Variants in ATPAF2 observed in about 807,000 individuals in gnomAD.
ATPAF2 encodes the protein ATP12 homolog.
A neutral mutation model predicts 36.6 loss-of-function variants in ATPAF2; 30 were observed. The observed-to-expected ratio is 0.82, with a 90% CI of 0.61 to 1.11. ATPAF2 has a LOEUF of 1.11. ATPAF2 is among the 50% of genes most tolerant of loss of function. The pLI, the probability that ATPAF2 is intolerant of heterozygous loss-of-function variation, is 0.00. For missense variants in ATPAF2, 321 were observed against 372.3 expected (o/e 0.86, Z 1.13); for synonymous variants, 140 against 152.6 (o/e 0.92, Z 0.61).
chr17:18,029,065 C>A lies in ATPAF2; in HGVS notation c.134-406G>T, dbSNP rs542408814. 1.2e-4 allele frequency among the ~76,000 whole-genome samples: 18 copies of A among 152,300 alleles called. No individual in the cohort carries two copies. The South Asian group carries it at 3.7e-3, about 32-fold the overall frequency. ...CATTTCAGGCAAGACTCTGATGCCT[C>A]TAAGGAGTGAGTGGAAAGCCAGTGT... On this transcript the variant is annotated intron_variant, in intron 1 of 7. Transcript: ENST00000474627.
chr17:18,029,879 TAAAAAAA>T lies in ATPAF2; in HGVS notation c.134-1227_134-1221del, dbSNP rs771131818. Reference sequence around the variant, plus strand: ...CGGCCAAATAGTTTGCCTTTAACGCTAAAAAAAAAAAAAAAAAAAAAAAAAGGCTGGT... The same window carrying T: ...CGGCCAAATAGTTTGCCTTTAACGCTAAAAAAAAAAAAAAAAAAGGCTGGT... On this transcript the variant is annotated intron_variant, in intron 1 of 7. Coordinates refer to ENST00000474627, the MANE Select transcript of ATPAF2 (RefSeq NM_145691.4). Among the ~76,000 whole-genome samples the T allele has an allele frequency of 9.4e-5, 5 of 53,208 alleles. No homozygotes were observed. In the South Asian group the frequency reaches 3.8e-3, roughly 40 times the overall value. 34.9% of individuals were successfully genotyped at this position (53,208 alleles called of 152,430 possible). A position where few individuals can be genotyped will look rare whatever the true frequency, so the allele number is the denominator to read the frequency against.
At chr17:18,016,893 G>C (rs553961776), downstream of ATPAF2, 111 of 398,900 alleles carry the variant, frequency 2.8e-4, no homozygotes, top group Middle Eastern at 6.4e-3. Context: ...AAAAAAATCA[G>C]CTGGGTGCGG....
chr17:18,032,611 G>C (rs2044652006), intron 1 of ATPAF2, among the ~76,000 whole-genome samples: 1 of 152,186 alleles, frequency 6.6e-6, no homozygotes, highest in African/African-American at 2.4e-5. Flanking sequence ...ACAAGCTTTG[G>C]TGAGTACTGA....
chr17:18,038,957 C>A lies in ATPAF2; in HGVS notation c.57G>T (p.Pro19=), dbSNP rs1046141706. The change falls in exon 1 of 8, where the codon CCG becomes CCT. Residue 19 remains proline (P), a synonymous_variant. Transcript: ENST00000474627. ...TCATAGAAGCGCTGGGGCCACCCGC[C>A]GGCCGATTCAGGAGACGGCGTCCCC... ...RDGGRRLLNR[P]AGGPSASMSP... 8 of 1,612,850 alleles carry A rather than the reference C, an allele frequency of 5.0e-6. No individual in the cohort carries two copies. Among genetic ancestry groups the A allele is most frequent in the Non-Finnish European group, 5.9e-6 (7 of 1,179,660 alleles).
chr17:18,035,683 A>G (rs2044693555), intron 1 of ATPAF2, among the ~76,000 whole-genome samples: 1 of 152,228 alleles, frequency 6.6e-6, no homozygotes, highest in African/African-American at 2.4e-5. Context: ...CTGCCACTGT[A>G]GTGAAAGTAG....
rs1162130285 is a variant in ATPAF2 at position 18,030,320 on chromosome 17, CAAAAAAAA to C, written c.134-1669_134-1662del. 3.6e-3 allele frequency among the ~76,000 whole-genome samples: 232 copies of C among 64,094 alleles called. 2 individuals are homozygous for C. Among genetic ancestry groups the C allele is most frequent in the African/African-American group, 0.014 (215 of 15,558 alleles). The allele number at this position is 64,094 out of a possible 152,430, so 42.0% of individuals were successfully genotyped here. A position where few individuals can be genotyped will look rare whatever the true frequency, so the allele number is the denominator to read the frequency against. On this transcript the variant is annotated intron_variant, in intron 1 of 7. Coordinates refer to ENST00000474627, the MANE Select transcript of ATPAF2 (RefSeq NM_145691.4). Reference sequence around the variant, plus strand: ...TGGGTGGCAGAGCAAGACTCCATCTCAAAAAAAAAAAAAAAAAAAAAAAGAAAAATTAA... The same window carrying C: ...TGGGTGGCAGAGCAAGACTCCATCTCAAAAAAAAAAAAAAAGAAAAATTAA...
intron 1 of ATPAF2, among the ~76,000 whole-genome samples, chr17:18,036,500 C>T (rs543790292): frequency 1.3e-4 from 20 of 150,876 alleles, no homozygotes; most frequent in Non-Finnish European, 2.4e-4. Flanking sequence ...GGCGTGAACC[C>T]GGGAGGCGGA....
At chr17:18,036,608 T>C (rs184954378) in intron 1 of ATPAF2, among the ~76,000 whole-genome samples, 1 of 152,054 alleles carries the variant, frequency 6.6e-6, no homozygotes, top group African/African-American at 2.4e-5. Flanking sequence ...GGGCCTGATT[T>C]ATGCACCTCC....
downstream of ATPAF2, chr17:18,016,969 C>G (rs542832717): frequency 2.5e-4 from 55 of 221,096 alleles, no homozygotes; most frequent in Non-Finnish European, 1.0e-4. Context: ...GTCAGGAGTT[C>G]GAGACCAGCC....
downstream of ATPAF2, chr17:18,016,872 AT>A (rs2044383474): frequency 2.7e-6 from 1 of 376,424 alleles, no homozygotes; most frequent in Non-Finnish European, 4.5e-6. Context: ...TCCCCTACTC[AT>A]AAAAAAAAAA....
At chr17:18,036,474 G>T (rs1038322553) in intron 1 of ATPAF2, among the ~76,000 whole-genome samples, 1 of 151,852 alleles carries the variant, frequency 6.6e-6, no homozygotes, top group South Asian at 2.1e-4. Flanking sequence ...TACTCGGGAC[G>T]CTGAGGCAGG....
chr17:18,016,526 G>A (rs1317161138), downstream of ATPAF2: 1 of 1,442,508 alleles, frequency 6.9e-7, no homozygotes, highest in Non-Finnish European at 9.7e-7. Context: ...ATGATCTGAT[G>A]TAAGGAATCG....
chr17:18,018,215 A>G lies in ATPAF2; in HGVS notation c.*334T>C, dbSNP rs953303554. The G allele has an allele frequency of 1.3e-4, 48 of 380,566 alleles. No individual in the cohort carries two copies. Among genetic ancestry groups the G allele is most frequent in the Non-Finnish European group, 2.4e-4 (47 of 199,388 alleles). 23.6% of individuals were successfully genotyped at this position (380,566 alleles called of 1,614,324 possible). A position where few individuals can be genotyped will look rare whatever the true frequency, so the allele number is the denominator to read the frequency against. ...CCCTCTGGAACCTAGACAAAACAGG[A>G]AGAATGGAGAAGTGCAGAGGCATAC... On this transcript the variant is annotated 3_prime_UTR_variant, in exon 8 of 8. Coordinates refer to ENST00000474627, the MANE Select transcript of ATPAF2 (RefSeq NM_145691.4).
chr17:18,016,465 G>A (rs1444603374), downstream of ATPAF2: 1 of 952,510 alleles, frequency 1.0e-6, no homozygotes, highest in African/African-American at 1.6e-5. Flanking sequence ...CAGATCTAAA[G>A]GAACTATTTT....
At chr17:18,018,817 T>C in intron 7 of ATPAF2, 131 bp from the exon 8 acceptor site, 1 of 1,346,694 alleles carries the variant, frequency 7.4e-7, no homozygotes, top group South Asian at 1.2e-5. Context: ...ACATGAGACA[T>C]GCCTAGGGGG....
Position 18,028,209 on chromosome 17 carries a change from GGTTCACACTGT to G in ATPAF2, c.324+12_324+22del. 6.2e-7 allele frequency: 1 copy of G among 1,614,138 alleles called. No homozygotes were observed. Among genetic ancestry groups the G allele is most frequent in the South Asian group, 1.1e-5 (1 of 91,076 alleles). On this transcript the variant is annotated intron_variant, in intron 3 of 7. Coordinates refer to ENST00000474627, the MANE Select transcript of ATPAF2 (RefSeq NM_145691.4). ...AGCCCTGGGTGGGTCTCAGGGTCCA[GGTTCACACTGT>G]GAACTTGTTACCAGGTGCATGGTGT...
At chr17:18,020,818 A>G in intron 7 of ATPAF2, 1 of 351,790 alleles carries the variant, frequency 2.8e-6, no homozygotes, top group Admixed American at 4.2e-5. Flanking sequence ...AGCTGAGACT[A>G]CAGGTGCTAA....
intron 1 of ATPAF2, among the ~76,000 whole-genome samples, chr17:18,030,124 C>T (rs1307892017): frequency 1.3e-5 from 2 of 151,488 alleles, no homozygotes; most frequent in African/African-American, 2.4e-5. Flanking sequence ...AGTTCGAGAC[C>T]AGCCTGGTCA....
downstream of ATPAF2, chr17:18,015,508 GAC>G (rs2044326465): frequency 6.5e-6 from 1 of 152,916 alleles, no homozygotes; most frequent in Admixed American, 6.5e-5. Context: ...CTTTTTACAA[GAC>G]AGCAAAGTCA....
Sources: gnomAD v4.1 joint callset for allele counts (sites outside exome capture counted in the v4.1 genomes callset) on GRCh38, gnomAD v4.1.1 for gene constraint, MANE v1.5 for transcripts, NCBI Gene and HGNC (gene_info 2026-07-23, HGNC 2026-07-21) for gene names.